MECR: variants seen among roughly 807,000 people sequenced by gnomAD.
MECR encodes mitochondrial trans-2-enoyl-CoA reductase.
A neutral mutation model predicts 49.1 loss-of-function variants in MECR; 37 were observed. The observed-to-expected ratio is 0.75, with a 90% CI of 0.58 to 0.99. MECR has a LOEUF of 0.99. Ranked by LOEUF, MECR falls within the 50% of genes least tolerant of loss-of-function variation. The pLI is 0.00. For missense variants in MECR, 470 were observed against 479.6 expected (o/e 0.98, Z 0.19); for synonymous variants, 198 against 191.1 (o/e 1.04, Z -0.30).
intron 7 of MECR, among the ~76,000 whole-genome samples, chr1:29,198,085 T>G (rs541968727): frequency 2.6e-5 from 4 of 152,186 alleles, no homozygotes; most frequent in Non-Finnish European, 5.9e-5. Context: ...ATAAGGAGCA[T>G]GGGACCTAGA....
rs1255052026 is a variant in MECR, at chr1:29,206,797, T to C, written c.515A>G (p.Tyr172Cys). Reference sequence around the variant, plus strand: ...TTGCTCGAAGTCCATCAACATCCTGTAGGCTGTGCAGGGATTGACACCCAG... The same window carrying C: ...TTGCTCGAAGTCCATCAACATCCTGCAGGCTGTGCAGGGATTGACACCCAG... ...ATLGVNPCTA[Y>C]RMLMDFEQLQ... The change falls in exon 4 of 10, where the codon TAC becomes TGC. Residue 172 changes from tyrosine to cysteine, a missense_variant. Tyr to Cys is a radical substitution (Grantham distance 194, BLOSUM62 -2). Coordinates refer to ENST00000263702, the MANE Select transcript of MECR (RefSeq NM_016011.5). 3.1e-6 allele frequency: 5 copies of C among 1,614,046 alleles called. No individual in the cohort carries two copies. Among genetic ancestry groups the C allele is most frequent in the Non-Finnish European group, 3.4e-6 (4 of 1,180,032 alleles).
the MECR span, among the ~76,000 whole-genome samples, chr1:29,176,840 T>TATTCATG: frequency 6.6e-6 from 1 of 152,246 alleles, no homozygotes; most frequent in South Asian, 2.1e-4. Context: ...AAATTCAGGC[T>TATTCATG]ATTCATGATT....
At chr1:29,205,649 G>C (rs562071188) in intron 4 of MECR, among the ~76,000 whole-genome samples, 11 of 151,778 alleles carry the variant, frequency 7.2e-5, no homozygotes, top group African/African-American at 2.7e-4. Context: ...GGCCAATATG[G>C]TGAAACCCCA....
rs1675119007 is a variant in MECR, at chr1:29,200,736, G to GTT, written c.757-149_757-148dup. 3 of 628,724 alleles carry GTT rather than the reference G, an allele frequency of 4.8e-6. No homozygotes were observed. The South Asian group carries it at 6.0e-5, about 13-fold the overall frequency. 38.9% of individuals were successfully genotyped at this position (628,724 alleles called of 1,614,324 possible). On this transcript the variant is annotated intron_variant, in intron 6 of 9. Transcript: ENST00000263702. ...CACGTACTTATGTATATGTGTGTGTGTTTATGCCTTTGAACTCACCTTTTT... is the reference window on the plus strand; with the variant it reads ...CACGTACTTATGTATATGTGTGTGTGTTTTTATGCCTTTGAACTCACCTTTTT...
downstream of MECR, among the ~76,000 whole-genome samples, chr1:29,192,069 CA>C (rs1673152120): frequency 6.6e-6 from 1 of 151,682 alleles, no homozygotes; most frequent in African/African-American, 2.4e-5. Context: ...CCAGCAAGGG[CA>C]ACAGTGTGAG....
intron 1 of MECR, among the ~76,000 whole-genome samples, chr1:29,228,268 T>C (rs1436067951): frequency 2.6e-5 from 4 of 151,370 alleles, no homozygotes; most frequent in African/African-American, 2.4e-5. Context: ...TGATATTTTA[T>C]GTGGGCAAAT....
intron 1 of MECR, among the ~76,000 whole-genome samples, chr1:29,230,003 T>A (rs184487026): frequency 6.6e-6 from 1 of 152,348 alleles, no homozygotes; most frequent in Admixed American, 6.5e-5. Context: ...AAACAGCTAC[T>A]AAGACGTTGA....
In MECR at chr1:29,216,012, A is replaced by G. The variant is rs1455329804; in HGVS notation, c.399T>C (p.Ala133=). 6.2e-7 allele frequency: 1 copy of G among 1,614,108 alleles called. No homozygotes were observed. The highest frequency in any genetic ancestry group is 2.2e-5 in the East Asian group (1 of 44,878). Residue 133 remains alanine, a synonymous_variant, in exon 3 of 10, where the codon GCT becomes GCC. Transcript: ENST00000263702. ...KPGDWVIPAN[A]GLGTWRTEAV... ...ACACCTGGAGAAACTCACCTAAACC[A>G]GCATTTGCTGGAATCACCCAGTCTC...
downstream of MECR, among the ~76,000 whole-genome samples, chr1:29,190,144 G>A (rs555019275): frequency 1.3e-5 from 2 of 152,198 alleles, no homozygotes; most frequent in East Asian, 3.9e-4. Flanking sequence ...GGAGGCTGAG[G>A]CGGGCGGATC....
intron 4 of MECR, among the ~76,000 whole-genome samples, chr1:29,203,936 T>G (rs1574322422): frequency 1.3e-5 from 2 of 152,234 alleles, no homozygotes; most frequent in Non-Finnish European, 2.9e-5. Context: ...GGTTTAGCTT[T>G]GGACCTGGCC....
At chr1:29,217,666 C>T (rs767078995) in intron 1 of MECR, among the ~76,000 whole-genome samples, 2 of 152,196 alleles carry the variant, frequency 1.3e-5, no homozygotes, top group Non-Finnish European at 2.9e-5. Context: ...GCCAGAATCT[C>T]CAGATGAGGG....
the MECR span, among the ~76,000 whole-genome samples, chr1:29,185,651 G>A: frequency 6.6e-6 from 1 of 152,154 alleles, no homozygotes; most frequent in Admixed American, 6.5e-5. Flanking sequence ...CCAACTCCAG[G>A]TGATTCACCC....
downstream of MECR, among the ~76,000 whole-genome samples, chr1:29,192,344 C>T (rs1010669239): frequency 2.6e-5 from 4 of 152,118 alleles, no homozygotes; most frequent in Non-Finnish European, 4.4e-5. Flanking sequence ...TTGCTTGGTA[C>T]GCAGTTTCCT....
At chr1:29,224,835 G>A (rs1486528550) in intron 1 of MECR, 2 of 152,236 alleles carry the variant, frequency 1.3e-5, no homozygotes, top group Non-Finnish European at 2.9e-5. Flanking sequence ...TTCACCTTGT[G>A]TCATCTTTGC....
rs116817984 is a variant in MECR at position 29,221,917 on chromosome 1, A to T, written c.177-5232T>A. Among the ~76,000 whole-genome samples, 74 of 152,318 alleles carry T rather than the reference A, an allele frequency of 4.9e-4. No homozygotes were observed. In the South Asian group the frequency reaches 7.3e-3, roughly 15 times the overall value. ...GACTGACTGCCGTTCAGTCCTCAAA[A>T]TGCCTATGTGGAGGGTGGTATCACC... On this transcript the variant is annotated intron_variant, in intron 1 of 9. Coordinates refer to ENST00000263702, the MANE Select transcript of MECR (RefSeq NM_016011.5).
the MECR span, among the ~76,000 whole-genome samples, chr1:29,174,418 A>G: frequency 6.6e-5 from 10 of 152,208 alleles, no homozygotes; most frequent in Admixed American, 5.9e-4. Context: ...TGCATAAAAT[A>G]GTACAAAAAT....
At chr1:29,227,800 A>G (rs1682480850) in intron 1 of MECR, among the ~76,000 whole-genome samples, 1 of 152,216 alleles carries the variant, frequency 6.6e-6, no homozygotes, top group Non-Finnish European at 1.5e-5. Flanking sequence ...TAAACCTTGT[A>G]AGACATGACT....
chr1:29,219,677 T>C (rs1680287890), intron 1 of MECR, among the ~76,000 whole-genome samples: 2 of 152,224 alleles, frequency 1.3e-5, no homozygotes, highest in African/African-American at 4.8e-5. Flanking sequence ...CCAAAACTCT[T>C]GGGGCCATGT....
intron 3 of MECR, among the ~76,000 whole-genome samples, chr1:29,208,198 G>A (rs1428591153): frequency 1.3e-5 from 2 of 152,170 alleles, no homozygotes; most frequent in Non-Finnish European, 2.9e-5. Context: ...CACCATGTTG[G>A]CCAGGCTGGT....
Sources: allele counts gnomAD v4.1 joint callset (sites outside exome capture counted in the v4.1 genomes callset), GRCh38; gene constraint gnomAD v4.1.1; transcripts MANE v1.5; gene names NCBI Gene and HGNC (gene_info 2026-07-23, HGNC 2026-07-21).